The following CACNB2 variants were observed in gnomAD, a reference collection of about 807,000 sequenced individuals.
CACNB2 encodes the protein calcium voltage-gated channel auxiliary subunit beta 2.
Under a neutral mutation model 73.3 loss-of-function variants are expected in CACNB2, and 42 were observed. That is an observed-to-expected ratio of 0.57 (90% confidence interval 0.45 to 0.74). The LOEUF (loss-of-function observed/expected upper bound fraction) is 0.74. CACNB2 is among the 30% of genes least tolerant of loss of function. The pLI is 0.00. For missense variants in CACNB2, 940 were observed against 853.0 expected (o/e 1.10, Z -1.27); for synonymous variants, 348 against 310.3 (o/e 1.12, Z -1.28).
chr10:18,417,949 A>G (rs1424621371), intron 3 of CACNB2, among the ~76,000 whole-genome samples: 1 of 152,256 alleles, frequency 6.6e-6, no homozygotes, highest in African/African-American at 2.4e-5. Context: ...CAAACTAAAA[A>G]TTACAGCAGC....
chr10:18,286,517 C>CAAAAAA lies in CACNB2; in HGVS notation c.214-115378_214-115373dup, dbSNP rs770589594. Among the ~76,000 whole-genome samples, 41 of 57,364 alleles carry CAAAAAA rather than the reference C, an allele frequency of 7.1e-4. 1 individual carries two copies. The highest frequency in any genetic ancestry group is 8.5e-4 in the Non-Finnish European group (25 of 29,440). The allele number at this position is 57,364 out of a possible 152,430, so 37.6% of individuals were successfully genotyped here. On this transcript the variant is annotated intron_variant, in intron 2 of 13. Coordinates refer to ENST00000324631, the MANE Select transcript of CACNB2 (RefSeq NM_201596.3). ...TGGGCAAAAGAGCGAGATTCTGTCT[C>CAAAAAA]AAAAAAAAAAAAAAAAAAAAAAAAA...
chr10:18,225,466 C>T (rs563391173), intron 2 of CACNB2, among the ~76,000 whole-genome samples: 59 of 152,242 alleles, frequency 3.9e-4, no homozygotes, highest in African/African-American at 1.3e-3. Flanking sequence ...AACCAGGATT[C>T]GTGACACCAC....
chr10:18,501,298 G>C (rs2050180044), intron 5 of CACNB2, among the ~76,000 whole-genome samples: 1 of 152,218 alleles, frequency 6.6e-6, no homozygotes, highest in Admixed American at 6.5e-5. Context: ...ACTGTCTGTA[G>C]CTGCCTGGTA....
intron 2 of CACNB2, among the ~76,000 whole-genome samples, chr10:18,324,946 C>T (rs1400270952): frequency 1.3e-5 from 2 of 152,220 alleles, no homozygotes; most frequent in African/African-American, 4.8e-5. Flanking sequence ...CACTCTTACG[C>T]CATGAAAGAT....
intron 2 of CACNB2, among the ~76,000 whole-genome samples, chr10:18,247,473 G>C (rs553581819): frequency 1.3e-5 from 2 of 152,082 alleles, no homozygotes; most frequent in Non-Finnish European, 2.9e-5. Flanking sequence ...TGCCCAGTAG[G>C]GGGTATGAAG....
chr10:18,346,066 G>T, intron 2 of CACNB2, among the ~76,000 whole-genome samples: 1 of 152,166 alleles, frequency 6.6e-6, no homozygotes, highest in Non-Finnish European at 1.5e-5. Flanking sequence ...TGCCTTTGTA[G>T]CTTCCTGCAG....
At chr10:18,152,572 A>G (rs979767011) in intron 2 of CACNB2, among the ~76,000 whole-genome samples, 2 of 151,884 alleles carry the variant, frequency 1.3e-5, no homozygotes, top group Admixed American at 6.6e-5. Flanking sequence ...GACTTGGGAG[A>G]GTCAGTTAAA....
intron 1 of CACNB2, 28 bp from the exon 2 acceptor site, chr10:18,150,855 C>CTTTTTTTTTGTTTTTTTTTTTTTTT: frequency 4.1e-6 from 2 of 483,392 alleles, no homozygotes; most frequent in Non-Finnish European, 6.1e-6. Context: ...TCTTATTTGT[C>CTTTTTTTTTGTTTTTTTTTTTTTTT]TTTTTTTTTT....
intron 3 of CACNB2, among the ~76,000 whole-genome samples, chr10:18,413,378 A>T (rs1004055365): frequency 6.6e-5 from 10 of 152,044 alleles, no homozygotes; most frequent in African/African-American, 2.4e-4. Context: ...CTATTCTCTC[A>T]TACTTCTCCA....
At chr10:18,442,636 C>A (rs1447089365) in intron 3 of CACNB2, among the ~76,000 whole-genome samples, 2 of 150,964 alleles carry the variant, frequency 1.3e-5, no homozygotes, top group East Asian at 4.0e-4. Flanking sequence ...ACCATCCTGG[C>A]CAACATGATG....
intron 2 of CACNB2, among the ~76,000 whole-genome samples, chr10:18,173,056 G>A (rs1312394992): frequency 6.6e-6 from 1 of 151,606 alleles, no homozygotes; most frequent in Admixed American, 6.6e-5. Flanking sequence ...GAGTAGCTGG[G>A]ATTACAGGAG....
At chr10:18,493,320 A>G (rs1318248975) in intron 3 of CACNB2, among the ~76,000 whole-genome samples, 1 of 152,060 alleles carries the variant, frequency 6.6e-6, no homozygotes, top group East Asian at 1.9e-4. Flanking sequence ...AGGTCTGGCC[A>G]CCACGCCTGG....
intron 2 of CACNB2, among the ~76,000 whole-genome samples, chr10:18,336,332 T>G (rs1042661028): frequency 6.6e-6 from 1 of 152,116 alleles, no homozygotes; most frequent in Non-Finnish European, 1.5e-5. Context: ...AATGACGACT[T>G]AGGGTGGGCC....
chr10:18,314,954 A>G (rs952378321), intron 2 of CACNB2, among the ~76,000 whole-genome samples: 3 of 152,214 alleles, frequency 2.0e-5, no homozygotes, highest in African/African-American at 7.2e-5. Context: ...TTTTTTTAAA[A>G]AATACTTGCC....
intron 5 of CACNB2, among the ~76,000 whole-genome samples, chr10:18,505,779 C>T (rs2050455816): frequency 6.6e-6 from 1 of 152,188 alleles, no homozygotes; most frequent in Non-Finnish European, 1.5e-5. Flanking sequence ...TTCTGAGACA[C>T]TGCAGTATAT....
intron 2 of CACNB2, among the ~76,000 whole-genome samples, chr10:18,169,778 C>T (rs16916916): frequency 0.075 from 11,418 of 152,182 alleles, 478 homozygotes; most frequent in African/African-American, 0.094. Flanking sequence ...CTATGCTGAT[C>T]GTCTAAAAGA....
chr10:18,487,601 G>A (rs184430300), intron 3 of CACNB2, among the ~76,000 whole-genome samples: 102 of 152,148 alleles, frequency 6.7e-4, no homozygotes, highest in African/African-American at 2.3e-3. Flanking sequence ...TTGGGAGACC[G>A]AGGTGGGTGG....
chr10:18,189,260 T>C (rs1399670502), intron 2 of CACNB2, among the ~76,000 whole-genome samples: 1 of 152,208 alleles, frequency 6.6e-6, no homozygotes, highest in Non-Finnish European at 1.5e-5. Context: ...TTAATGCTCA[T>C]GAACGTGTCA....
At chr10:18,251,632 T>TA (rs1356103186) in intron 2 of CACNB2, among the ~76,000 whole-genome samples, 2 of 152,154 alleles carry the variant, frequency 1.3e-5, no homozygotes, top group African/African-American at 4.8e-5. Flanking sequence ...TGAGACTGGG[T>TA]AACTTATGAA....
Sources: gnomAD v4.1 joint callset for allele counts (sites outside exome capture counted in the v4.1 genomes callset) on GRCh38, gnomAD v4.1.1 for gene constraint, MANE v1.5 for transcripts, NCBI Gene and HGNC (gene_info 2026-07-23, HGNC 2026-07-21) for gene names.